ARHGEF4: variants seen among roughly 807,000 people sequenced by gnomAD.
ARHGEF4 encodes APC-stimulated guanine nucleotide exchange factor 1.
Under a neutral mutation model 162.0 loss-of-function variants are expected in ARHGEF4, and 119 were observed. The ratio of observed to expected loss-of-function variants is 0.73; its 90% CI spans 0.63 to 0.86. ARHGEF4 has a LOEUF of 0.86. Among genes scored for constraint, ARHGEF4 ranks in the 40% least tolerant of loss-of-function variants. The probability of loss-of-function intolerance (pLI) is 0.00; values close to 1 mark genes in which losing one functional copy is unlikely to be tolerated. For synonymous variants in ARHGEF4, 1,014 were observed against 979.9 expected (o/e 1.03, Z -0.65); for missense variants, 2,488 against 2,456.0 (o/e 1.01, Z -0.28).
intron 4 of ARHGEF4, among the ~76,000 whole-genome samples, chr2:130,950,295 G>A (rs954251293): frequency 6.6e-6 from 1 of 152,204 alleles, no homozygotes; most frequent in African/African-American, 2.4e-5. Context: ...CTGGCAAATC[G>A]GTGTCCAAGA....
At chr2:130,969,471 T>C (rs566794561) in intron 4 of ARHGEF4, among the ~76,000 whole-genome samples, 34 of 151,838 alleles carry the variant, frequency 2.2e-4, no homozygotes, top group Admixed American at 2.2e-3. Flanking sequence ...TGGTGGTGGG[T>C]GCCTGTAGTC....
At chr2:130,837,717 G>A (rs995654354) in intron 1 of ARHGEF4, 10 of 411,504 alleles carry the variant, frequency 2.4e-5, no homozygotes, top group African/African-American at 1.5e-4. Context: ...CCAGCGGGAG[G>A]GCGGTTGCGA....
Position 130,916,096 on chromosome 2 carries a change from T to C in ARHGEF4, c.2150T>C (p.Leu717Pro), listed in dbSNP as rs1214316621. ...CAGGCCGCAGAGCTTGGGAGAGTGC[T>C]GGTCCCCCAAGCTGCTTCGGAAGAG... ...VAQAAELGRV[L>P]VPQAASEETP... The change falls in exon 2 of 14, where the codon CTG becomes CCG. Residue 717 changes from leucine (L) to proline (P), a missense_variant. Physicochemically the swap from Leu to Pro is moderately conservative, Grantham distance 98. Transcript: ENST00000409359. 1.3e-6 allele frequency: 2 copies of C among 1,550,096 alleles called. No individual in the cohort carries two copies. The highest frequency in any genetic ancestry group is 1.7e-6 in the Non-Finnish European group (2 of 1,146,908).
Position 131,041,031 on chromosome 2 carries a change from A to T in ARHGEF4, c.4663-199A>T, listed in dbSNP as rs538127996. Among the ~76,000 whole-genome samples, 4 of 152,192 alleles carry T rather than the reference A, an allele frequency of 2.6e-5. No individual in the cohort carries two copies. The East Asian group carries it at 7.7e-4, about 29-fold the overall frequency. Reference sequence around the variant, plus strand: ...GCGTGCAGCCGGGACACCTGCTCATATTCTCACCATTCCCACCCCTGTGTG... The same window carrying T: ...GCGTGCAGCCGGGACACCTGCTCATTTTCTCACCATTCCCACCCCTGTGTG... On this transcript the variant is annotated intron_variant, in intron 8 of 13. Transcript: ENST00000409359.
In ARHGEF4 at chr2:130,931,030, G is replaced by T. The variant is rs773167697; in HGVS notation, c.3631G>T (p.Ala1211Ser). ...TCAGAAGGCGTTCCACATGGAGCCT[G>T]CCCAGAAGCCCTGCTTCACCACTGA... is the stretch of plus-strand genomic sequence containing the variant. ...HSQKAFHMEP[A>S]QKPCFTTDMV... Residue 1211 changes from alanine (A) to serine (S), a missense_variant, in exon 3 of 14, where the codon GCC becomes TCC. By Grantham distance (99) the Ala-to-Ser change is moderately conservative (BLOSUM62 1). Around this residue, in one of 6 missense-constraint regions of ARHGEF4, gnomAD observed 1,642 missense variants for 1,481.5 expected, o/e 1.11. Coordinates refer to ENST00000409359, the MANE Select transcript of ARHGEF4 (RefSeq NM_001367493.1). 7.4e-6 allele frequency: 12 copies of T among 1,614,008 alleles called. No individual in the cohort carries two copies. The highest frequency in any genetic ancestry group is 9.3e-6 in the Non-Finnish European group (11 of 1,180,020).
intron 3 of ARHGEF4, among the ~76,000 whole-genome samples, chr2:130,942,148 T>TATTC (rs1156557563): frequency 1.7e-5 from 2 of 117,890 alleles, no homozygotes; most frequent in Admixed American, 7.5e-5. Flanking sequence ...TTTTTTTCTT[T>TATTC]TTTCTTTTTT....
chr2:131,032,843 TTTTTC>T (rs1466038447), intron 5 of ARHGEF4, among the ~76,000 whole-genome samples: 1 of 125,650 alleles, frequency 8.0e-6, no homozygotes, highest in Non-Finnish European at 1.6e-5. Context: ...TTTCTTTTCT[TTTTTC>T]TTTTTTTTTT....
At chr2:130,899,277 C>T (rs545201010) in intron 1 of ARHGEF4, among the ~76,000 whole-genome samples, 88 of 152,314 alleles carry the variant, frequency 5.8e-4, no homozygotes, top group African/African-American at 2.0e-3. Context: ...ATTCTGCCCA[C>T]CTCAGTGCCC....
chr2:130,949,417 G>A (rs184409133), intron 4 of ARHGEF4, among the ~76,000 whole-genome samples: 13 of 152,220 alleles, frequency 8.5e-5, no homozygotes, highest in South Asian at 6.2e-4. Flanking sequence ...GCAGTGGTGC[G>A]ATCTCGGCTC....
intron 3 of ARHGEF4, among the ~76,000 whole-genome samples, chr2:130,940,747 G>C (rs1683240261): frequency 6.7e-6 from 1 of 149,090 alleles, no homozygotes; most frequent in Non-Finnish European, 1.5e-5. Flanking sequence ...CAGGAGAATG[G>C]CATGAACCCG....
chr2:130,916,809 T>C lies in ARHGEF4; in HGVS notation c.2863T>C (p.Phe955Leu). Reference sequence around the variant, plus strand: ...GCTGCGCCAGGGTTCCTGGCGGGCGTTTCTGAAAAGCAAAGATGCCGGAAG... The same window carrying C: ...GCTGCGCCAGGGTTCCTGGCGGGCGCTTCTGAAAAGCAAAGATGCCGGAAG... The part of the protein sequence containing the change: ...SRLRQGSWRA[F>L]LKSKDAGSPK... The change falls in exon 2 of 14, where the codon TTT becomes CTT. Residue 955 changes from phenylalanine to leucine, a missense_variant. Transcript: ENST00000409359. The C allele has an allele frequency of 6.5e-7, 1 of 1,550,078 alleles. No individual in the cohort carries two copies. The highest frequency in any genetic ancestry group is 8.7e-7 in the Non-Finnish European group (1 of 1,146,906).
chr2:130,977,895 A>C (rs980832336), intron 4 of ARHGEF4, among the ~76,000 whole-genome samples: 2 of 152,168 alleles, frequency 1.3e-5, no homozygotes, highest in Non-Finnish European at 2.9e-5. Context: ...TGCAGCAGCC[A>C]AGGAGGTGGG....
Position 130,981,448 on chromosome 2 carries a change from C to A in ARHGEF4, c.3985+34813C>A, listed in dbSNP as rs891983502. 7.2e-5 allele frequency among the ~76,000 whole-genome samples: 11 copies of A among 152,078 alleles called. No individual in the cohort carries two copies. In the East Asian group the frequency reaches 1.3e-3, roughly 19 times the overall value. On this transcript the variant is annotated intron_variant, in intron 4 of 13. Transcript: ENST00000409359. ...GGCCAAGGCAGGCGGATCCCAAGGTCGGGGGATCGAGACCAGCTTGGCCAA... is the reference window on the plus strand; with the variant it reads ...GGCCAAGGCAGGCGGATCCCAAGGTAGGGGGATCGAGACCAGCTTGGCCAA...
chr2:130,989,250 C>T (rs975894245), intron 4 of ARHGEF4, among the ~76,000 whole-genome samples: 4 of 152,086 alleles, frequency 2.6e-5, no homozygotes, highest in Non-Finnish European at 4.4e-5. Flanking sequence ...CGTGAGCCAC[C>T]GCACCCAGCC....
At chr2:130,897,432 T>C (rs1680226489) in intron 1 of ARHGEF4, among the ~76,000 whole-genome samples, 1 of 152,212 alleles carries the variant, frequency 6.6e-6, no homozygotes, top group Admixed American at 6.5e-5. Context: ...CGCAGTCTAG[T>C]CTGCCAGCGG....
chr2:131,034,403 G>A (rs1317816380), intron 5 of ARHGEF4, among the ~76,000 whole-genome samples: 1 of 152,202 alleles, frequency 6.6e-6, no homozygotes, highest in Non-Finnish European at 1.5e-5. Context: ...GTCGAGTGGA[G>A]GCAGAGGAAG....
chr2:130,872,727 C>T (rs1237666964), intron 1 of ARHGEF4, among the ~76,000 whole-genome samples: 2 of 152,182 alleles, frequency 1.3e-5, no homozygotes, highest in Non-Finnish European at 2.9e-5. Context: ...TTATGGGTTG[C>T]AAGGGAGGCG....
chr2:131,045,901 C>G, intron 13 of ARHGEF4, 137 bp from the exon 14 acceptor site: 12 of 1,493,924 alleles, frequency 8.0e-6, no homozygotes, highest in Non-Finnish European at 9.8e-6. Flanking sequence ...TCTCCAGGAG[C>G]AAGTCCTGTG....
Position 131,002,709 on chromosome 2 carries a change from CAAAAAAAAAAAAAAAAAAA to C in ARHGEF4, c.3986-25222_3986-25204del, listed in dbSNP as rs66979991. On this transcript the variant is annotated intron_variant, in intron 4 of 13. Transcript: ENST00000409359. ...TGGGCGACAGAGCGAGACTCCGTCT[CAAAAAAAAAAAAAAAAAAA>C]AAAAAAAAAAAAAGGGTTGTGGGGG... 3.4e-4 allele frequency among the ~76,000 whole-genome samples: 18 copies of C among 53,248 alleles called. No individual in the cohort carries two copies. In the East Asian group the frequency reaches 7.2e-3, roughly 21 times the overall value. 34.9% of individuals were successfully genotyped at this position (53,248 alleles called of 152,430 possible). A position where few individuals can be genotyped will look rare whatever the true frequency, so the allele number is the denominator to read the frequency against.
Sources: allele counts gnomAD v4.1 joint callset (sites outside exome capture counted in the v4.1 genomes callset), GRCh38; gene constraint gnomAD v4.1.1; regional missense constraint gnomAD v4.1.1; transcripts MANE v1.5; gene names NCBI Gene and HGNC (gene_info 2026-07-23, HGNC 2026-07-21).